HORMAD2: variants seen among roughly 807,000 people sequenced by gnomAD.
The protein encoded by HORMAD2 is HORMA domain containing 2, also known as HORMA domain-containing protein 2.
HORMAD2 carries 45 observed loss-of-function variants against 38.8 expected under a neutral mutation model. The ratio of observed to expected loss-of-function variants is 1.16; its 90% CI spans 0.91 to 1.49. The LOEUF (loss-of-function observed/expected upper bound fraction) is 1.49. Ranked by LOEUF, HORMAD2 falls within the 40% of genes most tolerant of loss-of-function variation. The pLI, the probability that HORMAD2 is intolerant of heterozygous loss-of-function variation, is 0.00. For synonymous variants in HORMAD2, 126 were observed against 122.8 expected, an observed-to-expected ratio of 1.03 and a Z score of -0.17; for missense variants, 338 against 367.0, an observed-to-expected ratio of 0.92 and a Z score of 0.65.
At chr22:30,157,856 T>A (rs1427890012) in intron 10 of HORMAD2, among the ~76,000 whole-genome samples, 1 of 152,206 alleles carries the variant, frequency 6.6e-6, no homozygotes, top group African/African-American at 2.4e-5. Flanking sequence ...CATGCCAGCT[T>A]AGAGCACATT....
At chr22:30,112,771 C>G (rs1488091521) in intron 7 of HORMAD2, among the ~76,000 whole-genome samples, 1 of 152,042 alleles carries the variant, frequency 6.6e-6, no homozygotes, top group African/African-American at 2.4e-5. Flanking sequence ...AACCTGTTGG[C>G]ATTAAGAGTC....
At chr22:30,127,143 AT>A (rs1395777842) in intron 10 of HORMAD2, among the ~76,000 whole-genome samples, 2 of 146,636 alleles carry the variant, frequency 1.4e-5, no homozygotes, top group African/African-American at 5.1e-5. Flanking sequence ...TATTGTGAAT[AT>A]CTTCTTCAAC....
chr22:30,092,345 CTTTTTTT>C (rs34673975), intron 1 of HORMAD2, among the ~76,000 whole-genome samples: 5 of 107,964 alleles, frequency 4.6e-5, no homozygotes, highest in Non-Finnish European at 7.4e-5. Context: ...AGATCCTTTG[CTTTTTTT>C]TTTTTTTTTT....
chr22:30,089,097 C>T (rs2146062845), intron 1 of HORMAD2, among the ~76,000 whole-genome samples: 1 of 152,264 alleles, frequency 6.6e-6, no homozygotes. Flanking sequence ...AATATTACCA[C>T]CTATTTATAA....
chr22:30,088,961 T>G (rs867513921), intron 1 of HORMAD2, among the ~76,000 whole-genome samples: 76 of 152,142 alleles, frequency 5.0e-4, no homozygotes, highest in Middle Eastern at 6.4e-3. Context: ...TAGTCTCAAA[T>G]CAAGTAAAGA....
intron 10 of HORMAD2, among the ~76,000 whole-genome samples, chr22:30,142,584 G>A (rs1924155718): frequency 6.6e-6 from 1 of 151,980 alleles, no homozygotes; most frequent in African/African-American, 2.4e-5. Context: ...TTTATTGACA[G>A]GTTGATCCTT....
the HORMAD2 span, among the ~76,000 whole-genome samples, chr22:30,201,667 C>T: frequency 7.9e-5 from 12 of 152,182 alleles, no homozygotes; most frequent in South Asian, 1.9e-3. Context: ...CCGCCCGCCT[C>T]GGCCTCCCAA....
chr22:30,122,634 G>A (rs59215475), intron 10 of HORMAD2, among the ~76,000 whole-genome samples: 3 of 152,268 alleles, frequency 2.0e-5, no homozygotes, highest in East Asian at 1.9e-4. Flanking sequence ...GGATAAACCC[G>A]AGTCAGCGTG....
At chr22:30,149,633 A>G (rs1011228424) in intron 10 of HORMAD2, among the ~76,000 whole-genome samples, 1 of 152,218 alleles carries the variant, frequency 6.6e-6, no homozygotes, top group Admixed American at 6.5e-5. Context: ...CCTTTCGCCA[A>G]CTTCCAGGGA....
intron 1 of HORMAD2, among the ~76,000 whole-genome samples, chr22:30,082,945 T>C (rs1425113428): frequency 1.3e-5 from 2 of 152,132 alleles, no homozygotes; most frequent in Non-Finnish European, 2.9e-5. Context: ...AAGAAGATCA[T>C]AATCCTTGTC....
intron 10 of HORMAD2, among the ~76,000 whole-genome samples, chr22:30,147,467 C>T (rs1924489989): frequency 6.6e-6 from 1 of 151,184 alleles, no homozygotes. Context: ...ACAAGATTGA[C>T]TATAAATAGA....
chr22:30,170,053 G>A (rs969087916), intron 10 of HORMAD2, among the ~76,000 whole-genome samples: 8 of 152,076 alleles, frequency 5.3e-5, no homozygotes, highest in Non-Finnish European at 8.8e-5. Flanking sequence ...AATGTTAAGG[G>A]AATCAAAACT....
At chr22:30,128,356 T>C (rs1923025993) in intron 10 of HORMAD2, among the ~76,000 whole-genome samples, 1 of 152,214 alleles carries the variant, frequency 6.6e-6, no homozygotes, top group Admixed American at 6.5e-5. Context: ...GTTTTAATCA[T>C]GGTATATGTG....
rs1920926442 is a variant in HORMAD2 at position 30,098,911 on chromosome 22, A to G, written c.111A>G (p.Lys37=). 1 of 1,613,304 alleles carries G rather than the reference A, an allele frequency of 6.2e-7. No individual in the cohort carries two copies. The highest frequency in any genetic ancestry group is 1.7e-5 in the Admixed American group (1 of 59,964). The change falls in exon 3 of 11, where the codon AAA becomes AAG. Residue 37 remains lysine (K), a synonymous_variant. Coordinates refer to ENST00000336726, the MANE Select transcript of HORMAD2 (RefSeq NM_152510.4). The part of the protein sequence containing the change: ...NEHESLKMVK[K]LFATSISCIT... ...ATGAGTCATTGAAAATGGTGAAGAA[A>G]CTTTTTGCTACTTCCATCTCATGTA...
rs1020715049 is a variant in HORMAD2 at position 30,106,555 on chromosome 22, C to T, written c.294+2118C>T. Among the ~76,000 whole-genome samples, 16 of 152,196 alleles carry T rather than the reference C, an allele frequency of 1.1e-4. No homozygotes were observed. In the South Asian group the frequency reaches 1.2e-3, roughly 12 times the overall value. Reference sequence around the variant, plus strand: ...ATTTGGACAGATTGAGAGGGGGAGACGGCCATCACTGTTATACTGAACAGT... The same window carrying T: ...ATTTGGACAGATTGAGAGGGGGAGATGGCCATCACTGTTATACTGAACAGT... On this transcript the variant is annotated intron_variant, in intron 5 of 10. Coordinates refer to ENST00000336726, the MANE Select transcript of HORMAD2 (RefSeq NM_152510.4).
At chr22:30,199,227 G>C in the HORMAD2 span, among the ~76,000 whole-genome samples, 1 of 152,316 alleles carries the variant, frequency 6.6e-6, no homozygotes, top group African/African-American at 2.4e-5. Flanking sequence ...AGAAACGCAG[G>C]CGTGATCAGT....
upstream of HORMAD2, among the ~76,000 whole-genome samples, chr22:30,078,673 A>G (rs2068418780): frequency 6.6e-6 from 1 of 151,668 alleles, no homozygotes; most frequent in Non-Finnish European, 1.5e-5. Flanking sequence ...GAAACAGAAT[A>G]ACGAATAACT....
intron 10 of HORMAD2, among the ~76,000 whole-genome samples, chr22:30,135,681 C>G (rs1339990540): frequency 6.6e-6 from 1 of 152,062 alleles, no homozygotes; most frequent in Non-Finnish European, 1.5e-5. Flanking sequence ...AATGGAGAGC[C>G]CTTCTCGAAC....
At chr22:30,168,961 G>GC in intron 10 of HORMAD2, among the ~76,000 whole-genome samples, 1 of 152,010 alleles carries the variant, frequency 6.6e-6, no homozygotes, top group East Asian at 1.9e-4. Flanking sequence ...GTCTGACCCA[G>GC]CCCACCACTC....
Sources: gnomAD v4.1 joint callset for allele counts (sites outside exome capture counted in the v4.1 genomes callset) on GRCh38, gnomAD v4.1.1 for gene constraint, MANE v1.5 for transcripts, NCBI Gene and HGNC (gene_info 2026-07-23, HGNC 2026-07-21) for gene names.